The following GABRB2 variants were observed in gnomAD, a reference collection of about 807,000 sequenced individuals.
GABRB2 encodes the protein gamma-aminobutyric acid type A receptor subunit beta2, also known as gamma-aminobutyric acid receptor subunit beta-2.
Under a neutral mutation model 54.7 loss-of-function variants are expected in GABRB2, and 16 were observed. The ratio of observed to expected loss-of-function variants is 0.29; its 90% CI spans 0.20 to 0.44. The LOEUF (loss-of-function observed/expected upper bound fraction) is 0.44. GABRB2 is among the 20% of genes least tolerant of loss of function. GABRB2 has a pLI of 1.00. For missense variants in GABRB2, 355 were observed against 644.0 expected, an observed-to-expected ratio of 0.55 and a Z score of 4.86; for synonymous variants, 244 against 233.8, an observed-to-expected ratio of 1.04 and a Z score of -0.40.
chr5:161,346,201 C>T (rs1023063730), intron 5 of GABRB2, among the ~76,000 whole-genome samples: 1 of 152,060 alleles, frequency 6.6e-6, no homozygotes, highest in African/African-American at 2.4e-5. Flanking sequence ...AATTTCATTC[C>T]TAAGTTGAAG....
At chr5:161,536,901 T>C (rs1337032946) in intron 3 of GABRB2, among the ~76,000 whole-genome samples, 1 of 152,068 alleles carries the variant, frequency 6.6e-6, no homozygotes, top group African/African-American at 2.4e-5. Context: ...CCTGGGTATA[T>C]ATGACTTTTT....
intron 4 of GABRB2, among the ~76,000 whole-genome samples, chr5:161,444,068 G>A (rs1415574877): frequency 2.0e-5 from 3 of 152,066 alleles, no homozygotes; most frequent in Non-Finnish European, 4.4e-5. Context: ...CCAGTCAAAG[G>A]GGCTTAAATA....
intron 3 of GABRB2, among the ~76,000 whole-genome samples, chr5:161,476,991 A>G (rs974321236): frequency 1.3e-5 from 2 of 152,028 alleles, no homozygotes; most frequent in African/African-American, 4.8e-5. Flanking sequence ...GCTAAAGGGC[A>G]ACCTAAGGAA....
intron 3 of GABRB2, among the ~76,000 whole-genome samples, chr5:161,520,503 C>G (rs535796431): frequency 6.6e-6 from 1 of 152,048 alleles, no homozygotes; most frequent in South Asian, 2.1e-4. Context: ...TACTGGCTGC[C>G]CACTATTTCA....
chr5:161,414,152 G>A (rs1756595827), intron 4 of GABRB2, among the ~76,000 whole-genome samples: 1 of 152,114 alleles, frequency 6.6e-6, no homozygotes, highest in African/African-American at 2.4e-5. Flanking sequence ...GCATTTGTAA[G>A]TGTCTTCTAT....
At chr5:161,362,508 CA>C (rs1380511315) in intron 5 of GABRB2, among the ~76,000 whole-genome samples, 1 of 152,048 alleles carries the variant, frequency 6.6e-6, no homozygotes, top group East Asian at 1.9e-4. Context: ...GCAATGGCAA[CA>C]AAAGCCAAAA....
chr5:161,303,423 A>G (rs944555553), intron 9 of GABRB2, among the ~76,000 whole-genome samples: 3 of 152,188 alleles, frequency 2.0e-5, no homozygotes, highest in Non-Finnish European at 2.9e-5. Flanking sequence ...AAAGAATCAA[A>G]TTAATGAATT....
At chr5:161,470,872 TAAG>T (rs766902038) in intron 3 of GABRB2, among the ~76,000 whole-genome samples, 2 of 152,008 alleles carry the variant, frequency 1.3e-5, no homozygotes, top group Non-Finnish European at 2.9e-5. Context: ...ATTTCTTGGT[TAAG>T]TGATCCAGGC....
chr5:161,377,707 CT>C (rs1755349983), intron 5 of GABRB2, among the ~76,000 whole-genome samples: 1 of 151,984 alleles, frequency 6.6e-6, no homozygotes, highest in South Asian at 2.1e-4. Context: ...TATTAAATTA[CT>C]TGTTTTCACC....
chr5:161,385,100 C>T (rs998109776), intron 5 of GABRB2, among the ~76,000 whole-genome samples: 1 of 152,104 alleles, frequency 6.6e-6, no homozygotes, highest in Non-Finnish European at 1.5e-5. Flanking sequence ...TTGAGCATCC[C>T]TGACCTCTTC....
intron 5 of GABRB2, among the ~76,000 whole-genome samples, chr5:161,378,826 T>C (rs1320456791): frequency 4.6e-5 from 7 of 152,116 alleles, no homozygotes; most frequent in Non-Finnish European, 7.4e-5. Flanking sequence ...GAAGCAAAAG[T>C]GAGAGCTATT....
intron 7 of GABRB2, among the ~76,000 whole-genome samples, chr5:161,334,256 G>A (rs1189738707): frequency 1.3e-5 from 2 of 152,146 alleles, no homozygotes; most frequent in Non-Finnish European, 1.5e-5. Context: ...AGCATAAGAT[G>A]AGAGATGCCA....
chr5:161,360,537 AT>A (rs1754779930), intron 5 of GABRB2, among the ~76,000 whole-genome samples: 1 of 152,184 alleles, frequency 6.6e-6, no homozygotes, highest in Admixed American at 6.5e-5. Context: ...CCAATTTATT[AT>A]TTTAAAAACT....
At chr5:161,469,641 T>G (rs1450577181) in intron 3 of GABRB2, among the ~76,000 whole-genome samples, 1 of 151,808 alleles carries the variant, frequency 6.6e-6, no homozygotes, top group Non-Finnish European at 1.5e-5. Context: ...CTGCTTCATG[T>G]CTAATACTCA....
rs775021096 is a variant in GABRB2, at chr5:161,546,598, G to C, written c.46C>G (p.Pro16Ala). The stretch of plus-strand genomic sequence containing the variant: ...GCACAGACAGCGGCGATTATTAAGG[G>C]GAAGGACCAAATCCCAAAGTAGCCC... ...KRGYFGIWSF[P>A]LIIAAVCAQS... Residue 16 changes from proline (P) to alanine (A), a missense_variant, in exon 1 of 10, where the codon CCC (proline) becomes GCC (alanine). Transcript: ENST00000393959. 13 of 1,601,162 alleles carry C rather than the reference G, an allele frequency of 8.1e-6. No homozygotes were observed. Among genetic ancestry groups the C allele is most frequent in the Admixed American group, 3.4e-5 (2 of 58,136 alleles).
intron 9 of GABRB2, among the ~76,000 whole-genome samples, chr5:161,314,723 G>A (rs1757973959): frequency 6.7e-6 from 1 of 149,938 alleles, no homozygotes; most frequent in South Asian, 2.1e-4. Context: ...TCCTCCCTTT[G>A]TTCTTTCCCT....
intron 4 of GABRB2, among the ~76,000 whole-genome samples, chr5:161,437,037 A>G (rs923703897): frequency 1.3e-5 from 2 of 152,142 alleles, no homozygotes; most frequent in Non-Finnish European, 1.5e-5. Context: ...TGAGTCTCCA[A>G]GTAAACTTGA....
intron 3 of GABRB2, among the ~76,000 whole-genome samples, chr5:161,531,806 G>T (rs71611095): frequency 0.016 from 2,370 of 151,848 alleles, 29 homozygotes; most frequent in East Asian, 0.023. Flanking sequence ...TATTTCATCA[G>T]ATCCTCTTTA....
chr5:161,506,625 G>A (rs920827043), intron 3 of GABRB2, among the ~76,000 whole-genome samples: 1 of 152,008 alleles, frequency 6.6e-6, no homozygotes, highest in Non-Finnish European at 1.5e-5. Context: ...GAATAATTGT[G>A]AGAAAGACTT....
Sources: allele counts gnomAD v4.1 joint callset (sites outside exome capture counted in the v4.1 genomes callset), GRCh38; gene constraint gnomAD v4.1.1; transcripts MANE v1.5; gene names NCBI Gene and HGNC (gene_info 2026-07-23, HGNC 2026-07-21).